The following TBX1 variants were observed in gnomAD, a reference collection of about 807,000 sequenced individuals.
The protein encoded by TBX1 is T-box transcription factor 1, also known as T-box transcription factor TBX1.
TBX1 carries 16 observed loss-of-function variants against 40.8 expected under a neutral mutation model. The ratio of observed to expected loss-of-function variants is 0.39; its 90% CI spans 0.27 to 0.60. The LOEUF is 0.60. Ranked by LOEUF, TBX1 falls within the 20% of genes least tolerant of loss-of-function variation. The probability of loss-of-function intolerance (pLI) is 0.51; values close to 1 mark genes in which losing one functional copy is unlikely to be tolerated. For synonymous variants in TBX1, 403 were observed against 336.8 expected (o/e 1.20, Z -2.15); for missense variants, 755 against 728.5 (o/e 1.04, Z -0.42).
chr22:19,769,371 G>A (rs1936949982), downstream of TBX1, among the ~76,000 whole-genome samples: 1 of 152,244 alleles, frequency 6.6e-6, no homozygotes, highest in South Asian at 2.1e-4. Flanking sequence ...TGTTGCTGCT[G>A]AGGGCACTCC....
At chr22:19,773,435 G>C (rs77770643) in intron 8 of TBX1, among the ~76,000 whole-genome samples, 5 of 152,190 alleles carry the variant, frequency 3.3e-5, no homozygotes, top group Admixed American at 2.0e-4. Flanking sequence ...TTATGAGAGA[G>C]ACTTGCAACT....
At chr22:19,770,444 C>T (rs1029157664), downstream of TBX1, among the ~76,000 whole-genome samples, 1 of 152,194 alleles carries the variant, frequency 6.6e-6, no homozygotes, top group Non-Finnish European at 1.5e-5. Flanking sequence ...GCCCCTTTGT[C>T]GAAGGGACAA....
intron 6 of TBX1, 25 bp from the exon 7 acceptor site, chr22:19,766,364 G>T: frequency 7.9e-7 from 1 of 1,261,548 alleles, no homozygotes; most frequent in Non-Finnish European, 1.0e-6. Flanking sequence ...GGCCGGCCGC[G>T]CTCACTCCTC....
At chr22:19,780,822 G>A (rs1265387543), downstream of TBX1, among the ~76,000 whole-genome samples, 2 of 128,562 alleles carry the variant, frequency 1.6e-5, no homozygotes, top group African/African-American at 6.1e-5. Flanking sequence ...TCGCTCCGTC[G>A]CCCAGGCTGG....
At chr22:19,776,185 C>T (rs534680841) in intron 8 of TBX1, among the ~76,000 whole-genome samples, 97 of 152,264 alleles carry the variant, frequency 6.4e-4, no homozygotes, top group African/African-American at 2.3e-3. Flanking sequence ...CACCCCAGCT[C>T]TGGGGCCTGT....
chr22:19,766,545 C>T lies in TBX1; in HGVS notation c.1193C>T (p.Pro398Leu). 7.4e-7 allele frequency: 1 copy of T among 1,358,116 alleles called. No homozygotes were observed. The highest frequency in any genetic ancestry group is 9.4e-7 in the Non-Finnish European group (1 of 1,058,834). The allele number at this position is 1,358,116 out of a possible 1,614,324, so 84.1% of individuals were successfully genotyped here. A position where few individuals can be genotyped will look rare whatever the true frequency, so the allele number is the denominator to read the frequency against. Reference sequence around the variant, plus strand: ...GGCTTAGTCCCGCTGCCCGGCGCGCCCGGAGGCCGGCCCAGTCCCCCGAAC... The same window carrying T: ...GGCTTAGTCCCGCTGCCCGGCGCGCTCGGAGGCCGGCCCAGTCCCCCGAAC... ...AGGLVPLPGA[P>L]GGRPSPPNPE... Residue 398 changes from proline to leucine, a missense_variant, in exon 7 of 7, where the codon CCC becomes CTC. Coordinates refer to ENST00000649276, the MANE Select transcript of TBX1 (RefSeq NM_001379200.1).
At chr22:19,762,266 C>G (rs12166441) in intron 1 of TBX1, among the ~76,000 whole-genome samples, 1 of 152,222 alleles carries the variant, frequency 6.6e-6, no homozygotes, top group Admixed American at 6.5e-5. Context: ...GCCCACGTCC[C>G]GCAGCACCCT....
intron 8 of TBX1, among the ~76,000 whole-genome samples, chr22:19,772,643 T>C (rs1264364591): frequency 6.6e-6 from 1 of 152,080 alleles, no homozygotes; most frequent in Non-Finnish European, 1.5e-5. Flanking sequence ...TTTTTTCCCC[T>C]CCGTTTCTGA....
rs1280312371 is a variant in TBX1, at chr22:19,760,852, C to T, written c.9C>T (p.Ser3=). The change falls in exon 1 of 7, where the codon TCC becomes TCT. Residue 3 remains serine, a synonymous_variant. Coordinates refer to ENST00000649276, the MANE Select transcript of TBX1 (RefSeq NM_001379200.1). ...GCGGCGGCCCGCGGGTCATGATCTC[C>T]GCCGTGTCCAGCCCGTGGCTCACGC... MI[S]AVSSPWLTQL... The T allele has an allele frequency of 1.2e-5, 12 of 1,001,878 alleles. No individual in the cohort carries two copies. In the Admixed American group the frequency reaches 3.1e-4, roughly 26 times the overall value. 62.1% of individuals were successfully genotyped at this position (1,001,878 alleles called of 1,614,324 possible).
chr22:19,764,980 G>T lies in TBX1; in HGVS notation c.734G>T (p.Arg245Ile). The T allele has an allele frequency of 1.2e-6, 2 of 1,614,176 alleles. No individual in the cohort carries two copies. The highest frequency in any genetic ancestry group is 8.5e-7 in the Non-Finnish European group (1 of 1,180,020). ...CAGATTATTCTGAATTCCATGCACA[G>T]ATACCAGCCCCGCTTCCACGTGGTC... ...NGHIILNSMH[R>I]YQPRFHVVYV... Residue 245 changes from arginine to isoleucine, a missense_variant, in exon 4 of 7, where the codon AGA becomes ATA. Arg to Ile is a moderately conservative substitution (Grantham distance 97). This residue lies in a region of TBX1 where 144 missense variants were observed against 238.0 expected (regional missense o/e 0.61). Transcript: ENST00000649276.
downstream of TBX1, among the ~76,000 whole-genome samples, chr22:19,769,420 C>T (rs1400018747): frequency 2.0e-5 from 3 of 152,214 alleles, no homozygotes; most frequent in Non-Finnish European, 4.4e-5. Flanking sequence ...GGGTTTCCTC[C>T]CCTCCACCTT....
In TBX1 at chr22:19,767,143, CCCGG is replaced by C. The variant is rs1279072926; in HGVS notation, c.*277_*280del. ...GTCCCCGCCCGCCAGTGCCAAAGCGCCCGGTCGGAGGCGGAAGGAAGTGATATTT... is the reference window on the plus strand; with the variant it reads ...GTCCCCGCCCGCCAGTGCCAAAGCGCTCGGAGGCGGAAGGAAGTGATATTT... On this transcript the variant is annotated 3_prime_UTR_variant, in exon 7 of 7. Transcript: ENST00000649276. The C allele has an allele frequency of 1.0e-5, 13 of 1,247,192 alleles. No homozygotes were observed. The highest frequency in any genetic ancestry group is 8.5e-5 in the Admixed American group (2 of 23,530). The allele number at this position is 1,247,192 out of a possible 1,614,324, so 77.3% of individuals were successfully genotyped here.
intron 3 of TBX1, among the ~76,000 whole-genome samples, chr22:19,764,699 T>C (rs531879183): frequency 6.6e-6 from 1 of 152,340 alleles, no homozygotes; most frequent in Admixed American, 6.5e-5. Context: ...TCCAGGCCAG[T>C]GAGGTCGCTG....
intron 8 of TBX1, among the ~76,000 whole-genome samples, chr22:19,778,691 T>C (rs996315730): frequency 3.3e-5 from 5 of 152,100 alleles, no homozygotes; most frequent in Admixed American, 6.5e-5. Flanking sequence ...TGCCTCAGCC[T>C]CCCAAAGTTC....
chr22:19,767,173 ATTG>A lies in TBX1; in HGVS notation c.*309_*311del. ...TCGGAGGCGGAAGGAAGTGATATTT[ATTG>A]TTCTCCCCGAGACCGCGTCGCCCGC... On this transcript the variant is annotated 3_prime_UTR_variant, in exon 7 of 7. Coordinates refer to ENST00000649276, the MANE Select transcript of TBX1 (RefSeq NM_001379200.1). 3.5e-6 allele frequency: 4 copies of A among 1,152,454 alleles called. No homozygotes were observed. Among genetic ancestry groups the A allele is most frequent in the Non-Finnish European group, 4.3e-6 (4 of 935,796 alleles). 71.4% of individuals were successfully genotyped at this position (1,152,454 alleles called of 1,614,324 possible).
At chr22:19,761,625 G>C (rs979203297) in intron 1 of TBX1, among the ~76,000 whole-genome samples, 1 of 152,112 alleles carries the variant, frequency 6.6e-6, no homozygotes, top group African/African-American at 2.4e-5. Flanking sequence ...GCACCCGGCT[G>C]GGGGCAGGCA....
At chr22:19,760,506 C>T (rs1244758176), upstream of TBX1, among the ~76,000 whole-genome samples, 1 of 145,588 alleles carries the variant, frequency 6.9e-6, no homozygotes, top group African/African-American at 2.5e-5. Context: ...CGCGGGCGGG[C>T]GGCAGAGCGA....
chr22:19,761,484 A>G (rs901075030), intron 1 of TBX1, among the ~76,000 whole-genome samples: 2 of 150,700 alleles, frequency 1.3e-5, no homozygotes, highest in Non-Finnish European at 3.0e-5. Context: ...CCCTCCTAAC[A>G]CCTATCCTCC....
At chr22:19,760,433 G>A (rs1301971559), upstream of TBX1, among the ~76,000 whole-genome samples, 1 of 149,176 alleles carries the variant, frequency 6.7e-6, no homozygotes. Flanking sequence ...TTTAAATGAG[G>A]ACGACAAAGG....
Sources: allele counts gnomAD v4.1 joint callset (sites outside exome capture counted in the v4.1 genomes callset), GRCh38; gene constraint gnomAD v4.1.1; regional missense constraint gnomAD v4.1.1; transcripts MANE v1.5; gene names NCBI Gene and HGNC (gene_info 2026-07-23, HGNC 2026-07-21).